Variants in DOCK1 observed in about 807,000 individuals in gnomAD.
DOCK1 encodes dedicator of cytokinesis 1, also known as dedicator of cytokinesis protein 1.
A neutral mutation model predicts 262.7 loss-of-function variants in DOCK1; 138 were observed. That is an observed-to-expected ratio of 0.53 (90% CI 0.46 to 0.61). The LOEUF (loss-of-function observed/expected upper bound fraction) is 0.61, where lower values mean the gene tolerates loss of function less well. Ranked by LOEUF, DOCK1 falls within the 20% of genes least tolerant of loss-of-function variation. DOCK1 has a pLI of 0.00. For missense variants in DOCK1, 1,908 were observed against 2,370.7 expected (o/e 0.80, Z 4.05); for synonymous variants, 866 against 867.4 (o/e 1.00, Z 0.03).
chr10:127,284,547 T>A (rs1339717446), intron 29 of DOCK1, among the ~76,000 whole-genome samples: 3 of 152,248 alleles, frequency 2.0e-5, no homozygotes, highest in Non-Finnish European at 4.4e-5. Context: ...AGTTAAGGTT[T>A]TAACATAATG....
intron 27 of DOCK1, among the ~76,000 whole-genome samples, chr10:127,208,380 C>A (rs921157937): frequency 1.3e-5 from 2 of 152,172 alleles, no homozygotes; most frequent in Non-Finnish European, 2.9e-5. Context: ...TTTAGTATTT[C>A]ATGCAACCCA....
intron 33 of DOCK1, among the ~76,000 whole-genome samples, chr10:127,372,393 C>T (rs557023550): frequency 3.3e-5 from 5 of 152,332 alleles, no homozygotes; most frequent in Admixed American, 6.5e-5. Flanking sequence ...GCAGTTTTCA[C>T]GACTGGGCTT....
intron 38 of DOCK1, among the ~76,000 whole-genome samples, chr10:127,388,297 A>G (rs539385677): frequency 4.6e-5 from 7 of 152,336 alleles, no homozygotes; most frequent in Non-Finnish European, 1.0e-4. Context: ...TAGTAGCTGC[A>G]TTGATAAAAC....
intron 27 of DOCK1, among the ~76,000 whole-genome samples, chr10:127,206,275 C>T (rs2057719480): frequency 6.6e-6 from 1 of 150,716 alleles, no homozygotes; most frequent in East Asian, 2.0e-4. Context: ...TCCCGAGTAG[C>T]TGGAATTACA....
At chr10:127,077,111 A>G (rs979620814) in intron 23 of DOCK1, among the ~76,000 whole-genome samples, 4 of 152,054 alleles carry the variant, frequency 2.6e-5, no homozygotes, top group African/African-American at 4.8e-5. Context: ...TCTTACTACG[A>G]GGGCCGAGCG....
At chr10:127,321,502 CTGAGAT>C (rs2135569515) in intron 29 of DOCK1, among the ~76,000 whole-genome samples, 1 of 151,500 alleles carries the variant, frequency 6.6e-6, no homozygotes, top group Admixed American at 6.6e-5. Flanking sequence ...TATAAGTGGA[CTGAGAT>C]TGAGTACAAA....
intron 23 of DOCK1, among the ~76,000 whole-genome samples, chr10:127,076,141 TAAATTG>T (rs61449320): frequency 0.014 from 2,108 of 152,236 alleles, 50 homozygotes; most frequent in African/African-American, 0.048. Flanking sequence ...GAGTTGCTGA[TAAATTG>T]AGAACTTCCT....
chr10:127,404,656 A>G (rs1026803585), intron 40 of DOCK1, among the ~76,000 whole-genome samples: 10 of 152,322 alleles, frequency 6.6e-5, no homozygotes, highest in Admixed American at 3.3e-4. Flanking sequence ...CCTCCTTCAG[A>G]GATTTACACG....
At chr10:127,002,358 T>C (rs2040653985) in intron 10 of DOCK1, among the ~76,000 whole-genome samples, 2 of 152,238 alleles carry the variant, frequency 1.3e-5, no homozygotes, top group Non-Finnish European at 2.9e-5. Flanking sequence ...AAAGATGAAA[T>C]GTAGACCACA....
Position 127,343,706 on chromosome 10 carries a change from G to A in DOCK1, c.3184G>A (p.Glu1062Lys). ...AFLTQESLQL[E>K]NFSSAKRAKI... ...CCTTACTCAAGAGTCCCTGCAACTG[G>A]AGAATTTTTCAAGTGCCAAGAGAGC... is the stretch of plus-strand genomic sequence containing the variant. Residue 1062 changes from glutamate to lysine, a missense_variant, in exon 31 of 52, where the codon GAG becomes AAG. Physicochemically the swap from Glu to Lys is moderately conservative, Grantham distance 56 (BLOSUM62 1). Transcript: ENST00000623213. 1 of 1,611,168 alleles carries A rather than the reference G, an allele frequency of 6.2e-7. No homozygotes were observed. Among genetic ancestry groups the A allele is most frequent in the Non-Finnish European group, 8.5e-7 (1 of 1,178,824 alleles).
At chr10:127,401,360 C>T (rs150513056) in intron 38 of DOCK1, among the ~76,000 whole-genome samples, 2 of 152,200 alleles carry the variant, frequency 1.3e-5, no homozygotes, top group African/African-American at 4.8e-5. Flanking sequence ...AAGAAGAGAC[C>T]GAGGCAAGTT....
chr10:127,328,595 G>A (rs951609445), intron 29 of DOCK1, among the ~76,000 whole-genome samples: 2 of 152,124 alleles, frequency 1.3e-5, no homozygotes, highest in Non-Finnish European at 2.9e-5. Flanking sequence ...GGACGGCAGG[G>A]ACGCCAGGGA....
intron 1 of DOCK1, among the ~76,000 whole-genome samples, chr10:126,947,017 G>A (rs1002780407): frequency 1.3e-5 from 2 of 152,214 alleles, no homozygotes; most frequent in Non-Finnish European, 2.9e-5. Flanking sequence ...GCCCATGACT[G>A]GGGAGAGATG....
intron 27 of DOCK1, among the ~76,000 whole-genome samples, chr10:127,243,772 G>C (rs1368634595): frequency 1.3e-5 from 2 of 152,128 alleles, no homozygotes; most frequent in African/African-American, 4.8e-5. Flanking sequence ...AATGGAACTA[G>C]ATCAGGGGCA....
chr10:127,093,681 C>T (rs1247808004), intron 23 of DOCK1, among the ~76,000 whole-genome samples: 1 of 151,400 alleles, frequency 6.6e-6, no homozygotes, highest in Non-Finnish European at 1.5e-5. Context: ...TAAAGATAGT[C>T]ATCATTGGAT....
chr10:127,414,460 AG>A (rs2068041460), intron 43 of DOCK1, among the ~76,000 whole-genome samples: 1 of 152,220 alleles, frequency 6.6e-6, no homozygotes, highest in Non-Finnish European at 1.5e-5. Flanking sequence ...TTCCTGCAAT[AG>A]GTAATATACT....
At chr10:127,145,988 C>T (rs1326026965) in intron 27 of DOCK1, 14 of 515,962 alleles carry the variant, frequency 2.7e-5, no homozygotes, top group South Asian at 7.1e-5. Context: ...CCTGGGGACC[C>T]CGCACCCTGA....
At chr10:127,279,966 T>C (rs567982335) in intron 29 of DOCK1, among the ~76,000 whole-genome samples, 1 of 149,834 alleles carries the variant, frequency 6.7e-6, no homozygotes, top group East Asian at 2.0e-4. Flanking sequence ...TGAGAATGCA[T>C]TAATTTTTTT....
chr10:127,125,046 G>A (rs1430097833), intron 25 of DOCK1, among the ~76,000 whole-genome samples: 18 of 151,522 alleles, frequency 1.2e-4, no homozygotes, highest in Admixed American at 1.2e-3. Flanking sequence ...GAACCTGGGA[G>A]GCGGAGCTTG....
Sources: gnomAD v4.1 joint callset for allele counts (sites outside exome capture counted in the v4.1 genomes callset) on GRCh38, gnomAD v4.1.1 for gene constraint, MANE v1.5 for transcripts, NCBI Gene and HGNC (gene_info 2026-07-23, HGNC 2026-07-21) for gene names.